The following CCNC variants were observed in gnomAD, a reference collection of about 807,000 sequenced individuals.
The protein encoded by CCNC is cyclin C.
CCNC carries 19 observed loss-of-function variants against 50.0 expected under a neutral mutation model. The observed-to-expected ratio is 0.38, with a 90% CI of 0.27 to 0.56. The LOEUF (loss-of-function observed/expected upper bound fraction) is 0.56. CCNC is among the 20% of genes least tolerant of loss of function. CCNC has a pLI of 0.72. For missense variants in CCNC, 200 were observed against 327.1 expected (o/e 0.61, Z 3.00); for synonymous variants, 93 against 103.7 (o/e 0.90, Z 0.63).
At chr6:99,546,881 GT>G (rs1484018445) in intron 9 of CCNC, among the ~76,000 whole-genome samples, 1 of 152,170 alleles carries the variant, frequency 6.6e-6, no homozygotes. Context: ...TTTTAACAAT[GT>G]TGACTGTGTT....
chr6:99,551,605 G>C (rs1478584608), intron 6 of CCNC, among the ~76,000 whole-genome samples: 2 of 152,126 alleles, frequency 1.3e-5, no homozygotes, highest in East Asian at 3.9e-4. Flanking sequence ...TCCAACATCA[G>C]TATTATTTAC....
At position 99,558,077 on chromosome 6, in the gene CCNC, T is replaced by G. The variant is rs2114362082; in HGVS notation, c.346+420A>C. The G allele has an allele frequency of 1.6e-5, 3 of 191,176 alleles. No homozygotes were observed. The South Asian group carries it at 5.5e-4, about 35-fold the overall frequency. The allele number at this position is 191,176 out of a possible 1,614,324, so 11.8% of individuals were successfully genotyped here. A position where few individuals can be genotyped will look rare whatever the true frequency, so the allele number is the denominator to read the frequency against. ...CTAAGCAAGGCACTGTTCTAAAAGCTTATATTAACTCATTTGGTCCTCATA... is the reference window on the plus strand; with the variant it reads ...CTAAGCAAGGCACTGTTCTAAAAGCGTATATTAACTCATTTGGTCCTCATA... On this transcript the variant is annotated intron_variant, in intron 5 of 11. Transcript: ENST00000520429.
chr6:99,568,686 A>C (rs1375496083), upstream of CCNC: 1 of 1,478,992 alleles, frequency 6.8e-7, no homozygotes, highest in South Asian at 1.4e-5. Flanking sequence ...ATGGCCCCCT[A>C]GTCTCCTTCA....
At chr6:99,545,825 T>G (rs1475313419) in intron 10 of CCNC, among the ~76,000 whole-genome samples, 1 of 152,160 alleles carries the variant, frequency 6.6e-6, no homozygotes, top group African/African-American at 2.4e-5. Context: ...CACAGTAGTA[T>G]TCAGTGGTTA....
intron 5 of CCNC, chr6:99,558,250 G>A (rs1410222002): frequency 6.6e-6 from 3 of 453,044 alleles, no homozygotes; most frequent in Non-Finnish European, 1.1e-5. Context: ...AAGCCACTGA[G>A]TTGATGTTTT....
At chr6:99,556,180 GTTT>G (rs1246900455) in intron 5 of CCNC, among the ~76,000 whole-genome samples, 1 of 152,130 alleles carries the variant, frequency 6.6e-6, no homozygotes, top group African/African-American at 2.4e-5. Context: ...ATTTCAGAAG[GTTT>G]TTGTTTTTAA....
intron 10 of CCNC, 97 bp from the exon 11 acceptor site, chr6:99,545,327 A>C: frequency 1.5e-6 from 1 of 669,858 alleles, no homozygotes; most frequent in South Asian, 1.8e-5. Flanking sequence ...GAAAACAGTA[A>C]ATAGTCTCTG....
At chr6:99,566,054 CTT>C (rs1397841555) in intron 1 of CCNC, among the ~76,000 whole-genome samples, 1 of 151,962 alleles carries the variant, frequency 6.6e-6, no homozygotes, top group Non-Finnish European at 1.5e-5. Context: ...GGGTAATACT[CTT>C]AACTTGCTTT....
intron 5 of CCNC, among the ~76,000 whole-genome samples, chr6:99,552,903 G>T (rs1478569922): frequency 6.6e-6 from 1 of 152,132 alleles, no homozygotes; most frequent in African/African-American, 2.4e-5. Context: ...TTAGGCGAGT[G>T]TAGTGGCATG....
chr6:99,562,802 A>G (rs776006860), intron 2 of CCNC, 40 bp downstream of exon 2: 2 of 1,133,906 alleles, frequency 1.8e-6, no homozygotes, highest in Admixed American at 4.3e-5. Context: ...TTCAGAGGTA[A>G]CCAACTATAC....
intron 6 of CCNC, 72 bp from the exon 7 acceptor site, chr6:99,551,100 T>C: frequency 2.6e-6 from 2 of 782,380 alleles, no homozygotes; most frequent in South Asian, 3.8e-5. Context: ...TAATCTAACA[T>C]AAATTACAGA....
intron 8 of CCNC, among the ~76,000 whole-genome samples, chr6:99,549,886 A>G (rs753234080): frequency 6.6e-6 from 1 of 152,216 alleles, no homozygotes; most frequent in Non-Finnish European, 1.5e-5. Context: ...ACCAGAAATT[A>G]TACAGTAAAT....
chr6:99,568,543 CTGA>C lies in CCNC; in HGVS notation c.-19_-17del. 6.2e-7 allele frequency: 1 copy of C among 1,611,524 alleles called. No homozygotes were observed. The highest frequency in any genetic ancestry group is 1.1e-5 in the South Asian group (1 of 90,568). On this transcript the variant is annotated 5_prime_UTR_variant, in exon 1 of 12. Coordinates refer to ENST00000520429, the MANE Select transcript of CCNC (RefSeq NM_005190.4). ...TCCCTGCCATGGAACACAGCTTGCC[CTGA>C]TAAAAAAGCACCAGCCGGCGGAGCG...
chr6:99,558,233 A>T, intron 5 of CCNC: 1 of 428,328 alleles, frequency 2.3e-6, no homozygotes, highest in Non-Finnish European at 4.0e-6. Flanking sequence ...TACTCTTACA[A>T]GATTAAAAGC....
At chr6:99,568,318 G>A (rs1769243445) in intron 1 of CCNC, 178 bp downstream of exon 1, 11 of 603,830 alleles carry the variant, frequency 1.8e-5, no homozygotes, top group South Asian at 8.3e-5. Flanking sequence ...AACTGGGGCT[G>A]GGGGCGGGGA....
intron 4 of CCNC, among the ~76,000 whole-genome samples, chr6:99,559,822 C>CAATTCTCATG (rs1802700288): frequency 6.6e-6 from 1 of 151,154 alleles, no homozygotes; most frequent in Non-Finnish European, 1.5e-5. Flanking sequence ...TGGGTTCAAG[C>CAATTCTCATG]AATTCTCATG....
At chr6:99,561,296 G>T in intron 4 of CCNC, 71 bp downstream of exon 4, 1 of 964,028 alleles carries the variant, frequency 1.0e-6, no homozygotes, top group Non-Finnish European at 1.7e-6. Flanking sequence ...CATAGGCCAT[G>T]TGAAAACTGG....
At chr6:99,549,387 GATTAGTCT>G in intron 9 of CCNC, 113 bp downstream of exon 9, 1 of 724,082 alleles carries the variant, frequency 1.4e-6, no homozygotes, top group South Asian at 1.5e-5. Flanking sequence ...CACATGCAAG[GATTAGTCT>G]ATTACTTCAT....
intron 4 of CCNC, among the ~76,000 whole-genome samples, chr6:99,560,199 C>T (rs904951061): frequency 2.0e-5 from 3 of 152,058 alleles, no homozygotes; most frequent in African/African-American, 7.2e-5. Context: ...TCCATACTGC[C>T]TGTGCTTAAG....
Sources: allele counts gnomAD v4.1 joint callset (sites outside exome capture counted in the v4.1 genomes callset), GRCh38; gene constraint gnomAD v4.1.1; transcripts MANE v1.5; gene names NCBI Gene and HGNC (gene_info 2026-07-23, HGNC 2026-07-21).